The following PPFIA2 variants were observed in gnomAD, a reference collection of about 807,000 sequenced individuals.
The protein encoded by PPFIA2 is PPFI scaffold protein A2.
In PPFIA2, 46 loss-of-function variants were observed where a neutral mutation model predicts 175.5. That is an observed-to-expected ratio of 0.26 (90% CI 0.21 to 0.34). The LOEUF (loss-of-function observed/expected upper bound fraction) is 0.34. Ranked by LOEUF, PPFIA2 falls within the 10% of genes least tolerant of loss-of-function variation. The pLI is 1.00. For missense variants in PPFIA2, 1,179 were observed against 1,506.1 expected (o/e 0.78, Z 3.60); for synonymous variants, 568 against 511.4 (o/e 1.11, Z -1.49).
At chr12:81,699,952 G>A (rs908170557) in intron 3 of PPFIA2, among the ~76,000 whole-genome samples, 1 of 152,032 alleles carries the variant, frequency 6.6e-6, no homozygotes, top group African/African-American at 2.4e-5. Flanking sequence ...ATTCTTACTG[G>A]ATGTTCATAG....
At chr12:81,288,726 C>T (rs1248522160) in intron 24 of PPFIA2, among the ~76,000 whole-genome samples, 1 of 151,678 alleles carries the variant, frequency 6.6e-6, no homozygotes, top group Admixed American at 6.6e-5. Flanking sequence ...CTTGAAATTA[C>T]TTTTCACATT....
intron 3 of PPFIA2, among the ~76,000 whole-genome samples, chr12:81,714,165 T>G (rs1165806332): frequency 6.6e-6 from 1 of 151,080 alleles, no homozygotes; most frequent in Non-Finnish European, 1.5e-5. Context: ...ATGGTAAATA[T>G]GTATAGAAGC....
chr12:81,354,736 C>T (rs751780769), intron 16 of PPFIA2, among the ~76,000 whole-genome samples: 1 of 151,920 alleles, frequency 6.6e-6, no homozygotes, highest in East Asian at 1.9e-4. Context: ...CTCTGCCACC[C>T]GAGCTCAAGC....
At chr12:81,661,963 G>A (rs779603944) in intron 4 of PPFIA2, among the ~76,000 whole-genome samples, 46 of 152,210 alleles carry the variant, frequency 3.0e-4, no homozygotes, top group Non-Finnish European at 5.9e-4. Context: ...GGTATATAAC[G>A]AAATGAAGGC....
At chr12:81,432,955 CA>C (rs1370807274) in intron 7 of PPFIA2, among the ~76,000 whole-genome samples, 2 of 150,774 alleles carry the variant, frequency 1.3e-5, no homozygotes, top group African/African-American at 4.9e-5. Context: ...TTACACTTTA[CA>C]AAAAACAAAC....
chr12:81,372,228 T>C lies in PPFIA2; in HGVS notation c.1266+2406A>G, dbSNP rs182174733. On this transcript the variant is annotated intron_variant, in intron 11 of 32. Transcript: ENST00000549396. ...TTTTAGGATGAACTACAGGCAGAAA[T>C]GGTTTTGAGAACATGAATAACCTCA... 2.7e-3 allele frequency among the ~76,000 whole-genome samples: 404 copies of C among 151,496 alleles called. 1 individual carries two copies. The highest frequency in any genetic ancestry group is 9.0e-3 in the African/African-American group (373 of 41,438).
At chr12:81,528,281 G>C (rs913973048) in intron 4 of PPFIA2, among the ~76,000 whole-genome samples, 1 of 152,052 alleles carries the variant, frequency 6.6e-6, no homozygotes, top group Non-Finnish European at 1.5e-5. Flanking sequence ...AACTCAGATA[G>C]TGATATGGGT....
chr12:81,376,508 T>C (rs1462661606), intron 9 of PPFIA2, among the ~76,000 whole-genome samples: 1 of 152,166 alleles, frequency 6.6e-6, no homozygotes, highest in African/African-American at 2.4e-5. Context: ...ATGTTTCAAT[T>C]ACATAAGATT....
In PPFIA2 at chr12:81,508,904, G is replaced by T. The variant is rs141880328; in HGVS notation, c.304-51038C>A. ...CTTGCGATAGTTTACACATGCACAC[G>T]TATGTTTATTGTGGCATTATTCACA... On this transcript the variant is annotated intron_variant, in intron 4 of 32. Coordinates refer to ENST00000549396, the MANE Select transcript of PPFIA2 (RefSeq NM_003625.5). Among the ~76,000 whole-genome samples the T allele has an allele frequency of 2.6e-5, 4 of 151,986 alleles. No homozygotes were observed. In the East Asian group the frequency reaches 7.8e-4, roughly 29 times the overall value.
intron 4 of PPFIA2, chr12:81,465,259 T>G (rs948877926): frequency 2.6e-5 from 4 of 152,190 alleles, no homozygotes; most frequent in African/African-American, 9.7e-5. Flanking sequence ...GAGTAAGTCC[T>G]GCCTTGAAGA....
chr12:81,374,764 T>C lies in PPFIA2; in HGVS notation c.1136A>G (p.Glu379Gly). Residue 379 changes from glutamate (E) to glycine (G), a missense_variant, in exon 11 of 33, where the codon GAA becomes GGA. Coordinates refer to ENST00000549396, the MANE Select transcript of PPFIA2 (RefSeq NM_003625.5). The stretch of plus-strand genomic sequence containing the variant: ...TTCTTGTAACTGTCTGTTTTTCTCT[T>C]CCATCTGAAATGGGAATGGGAGCAG... Reference protein sequence around the residue: ...ANKEAILRQMEEKNRQLQERL... With the variant: ...ANKEAILRQMGEKNRQLQERL... 2 of 1,611,820 alleles carry C rather than the reference T, an allele frequency of 1.2e-6. No homozygotes were observed. Among genetic ancestry groups the C allele is most frequent in the Non-Finnish European group, 8.5e-7 (1 of 1,178,786 alleles).
intron 4 of PPFIA2, among the ~76,000 whole-genome samples, chr12:81,519,093 T>C (rs2062805631): frequency 6.6e-6 from 1 of 152,168 alleles, no homozygotes; most frequent in Non-Finnish European, 1.5e-5. Context: ...TTTTCTTCCC[T>C]TTTTAAAAAC....
In PPFIA2 at chr12:81,288,101, T is replaced by C. The variant is rs139310698; in HGVS notation, c.2926-3798A>G. Reference sequence around the variant, plus strand: ...AATTAGAATCAAGGGGCTTGAGTTATACAGTAGCACTTACTAATGACTACT... The same window carrying C: ...AATTAGAATCAAGGGGCTTGAGTTACACAGTAGCACTTACTAATGACTACT... On this transcript the variant is annotated intron_variant, in intron 24 of 32. Coordinates refer to ENST00000549396, the MANE Select transcript of PPFIA2 (RefSeq NM_003625.5). 1.7e-3 allele frequency among the ~76,000 whole-genome samples: 254 copies of C among 152,024 alleles called. 1 individual carries two copies. Among genetic ancestry groups the C allele is most frequent in the African/African-American group, 5.9e-3 (244 of 41,554 alleles).
intron 28 of PPFIA2, among the ~76,000 whole-genome samples, chr12:81,276,307 C>T (rs1197876950): frequency 7.2e-5 from 11 of 152,102 alleles, no homozygotes; most frequent in Admixed American, 7.2e-4. Flanking sequence ...TGAGAAATTA[C>T]TTAATGGGTA....
At chr12:81,473,149 T>C (rs1182716705) in intron 4 of PPFIA2, among the ~76,000 whole-genome samples, 2 of 152,184 alleles carry the variant, frequency 1.3e-5, no homozygotes, top group Non-Finnish European at 2.9e-5. Flanking sequence ...GACTCACGCC[T>C]GTAATCCCAG....
At chr12:81,715,090 G>GAA (rs1216641821) in intron 3 of PPFIA2, among the ~76,000 whole-genome samples, 1 of 150,970 alleles carries the variant, frequency 6.6e-6, no homozygotes, top group Non-Finnish European at 1.5e-5. Flanking sequence ...AATTGTTAAA[G>GAA]AAATAGATGT....
At chr12:81,422,084 A>ATG (rs2046343035) in intron 7 of PPFIA2, among the ~76,000 whole-genome samples, 1 of 141,330 alleles carries the variant, frequency 7.1e-6, no homozygotes, top group South Asian at 2.1e-4. Flanking sequence ...GTGTATATAT[A>ATG]TGTGTATATA....
At chr12:81,717,353 T>C (rs2078762939) in intron 3 of PPFIA2, among the ~76,000 whole-genome samples, 3 of 151,688 alleles carry the variant, frequency 2.0e-5, no homozygotes, top group African/African-American at 7.3e-5. Flanking sequence ...TGTCCAGATT[T>C]GGCCCATAGA....
At chr12:81,638,888 C>T (rs1048227525) in intron 4 of PPFIA2, among the ~76,000 whole-genome samples, 9 of 151,038 alleles carry the variant, frequency 6.0e-5, no homozygotes, top group East Asian at 2.0e-4. Context: ...GGGGTTTCAC[C>T]GTTTTAGCCG....
Sources: allele counts gnomAD v4.1 joint callset (sites outside exome capture counted in the v4.1 genomes callset), GRCh38; gene constraint gnomAD v4.1.1; transcripts MANE v1.5; gene names NCBI Gene and HGNC (gene_info 2026-07-23, HGNC 2026-07-21).